SLC25A26: variants seen among roughly 807,000 people sequenced by gnomAD.
The protein encoded by SLC25A26 is solute carrier family 25 member 26.
A neutral mutation model predicts 37.8 loss-of-function variants in SLC25A26; 36 were observed. The observed-to-expected ratio is 0.95, with a 90% confidence interval of 0.73 to 1.26. The LOEUF (loss-of-function observed/expected upper bound fraction) is 1.26, where lower values mean the gene tolerates loss of function less well. Ranked by LOEUF, SLC25A26 falls within the 50% of genes most tolerant of loss-of-function variation. SLC25A26 has a pLI of 0.00. For missense variants in SLC25A26, 390 were observed against 331.1 expected, an observed-to-expected ratio of 1.18 and a Z score of -1.38; for synonymous variants, 129 against 122.5, an observed-to-expected ratio of 1.05 and a Z score of -0.35.
At chr3:66,273,665 T>G (rs575324130) in intron 5 of SLC25A26, among the ~76,000 whole-genome samples, 15 of 152,140 alleles carry the variant, frequency 9.9e-5, no homozygotes, top group South Asian at 2.1e-4. Flanking sequence ...TCAAAGAGAA[T>G]AAAATACTTA....
intron 1 of SLC25A26, among the ~76,000 whole-genome samples, chr3:66,204,422 T>G (rs1309122915): frequency 7.4e-5 from 1 of 13,530 alleles, no homozygotes; most frequent in South Asian, 9.1e-3. Context: ...TGATACTCCG[T>G]CTCAAAAAAA....
chr3:66,292,281 G>A (rs2074739485), intron 5 of SLC25A26, among the ~76,000 whole-genome samples: 3 of 151,932 alleles, frequency 2.0e-5, no homozygotes, highest in African/African-American at 7.3e-5. Flanking sequence ...TTTTAGTTGG[G>A]GTCATTTAGC....
intron 5 of SLC25A26, among the ~76,000 whole-genome samples, chr3:66,300,029 G>T (rs187130969): frequency 4.7e-4 from 71 of 152,170 alleles, no homozygotes; most frequent in African/African-American, 1.6e-3. Flanking sequence ...AGCTGTTAGC[G>T]TTTCTCCTTT....
intron 1 of SLC25A26, among the ~76,000 whole-genome samples, chr3:66,215,830 A>G (rs990270305): frequency 5.9e-5 from 9 of 152,326 alleles, no homozygotes; most frequent in Non-Finnish European, 1.0e-4. Flanking sequence ...CTGTTGTCTT[A>G]ATCCATTTGT....
chr3:66,288,077 G>C (rs1331321000), intron 5 of SLC25A26, among the ~76,000 whole-genome samples: 2 of 152,146 alleles, frequency 1.3e-5, no homozygotes, highest in African/African-American at 4.8e-5. Flanking sequence ...GAGAGATTCT[G>C]CCCCTAGACA....
At chr3:66,299,926 C>T (rs1297002294) in intron 5 of SLC25A26, among the ~76,000 whole-genome samples, 2 of 152,094 alleles carry the variant, frequency 1.3e-5, no homozygotes, top group Non-Finnish European at 2.9e-5. Context: ...GGCAAAAATC[C>T]AGTTAAAAAT....
rs369057946 is a variant in SLC25A26 at position 66,178,486 on chromosome 3, G to A, written c.-353-42256G>A. Among the ~76,000 whole-genome samples, 5 of 152,254 alleles carry A rather than the reference G, an allele frequency of 3.3e-5. No individual in the cohort carries two copies. In the East Asian group the frequency reaches 9.7e-4, roughly 29 times the overall value. On this transcript the variant is annotated intron_variant, in intron 1 of 10. Transcript: ENST00000676754. ...ACAGACGTTGTCCCTTGTTGTCCAA[G>A]CTCAGTAGCAGTTTCAGTAATGTAC... is the stretch of plus-strand genomic sequence containing the variant.
intron 3 of SLC25A26, among the ~76,000 whole-genome samples, chr3:66,258,419 A>G (rs2073389508): frequency 2.0e-5 from 3 of 152,106 alleles, no homozygotes; most frequent in Admixed American, 1.3e-4. Context: ...TAAAATTTGA[A>G]CTGCCTGTCA....
intron 5 of SLC25A26, among the ~76,000 whole-genome samples, chr3:66,320,608 G>A (rs1197832801): frequency 1.3e-5 from 2 of 152,134 alleles, no homozygotes; most frequent in Admixed American, 6.5e-5. Context: ...ACCTATAAGT[G>A]GAGTTGCTCA....
chr3:66,317,631 C>T (rs759095658), intron 5 of SLC25A26, among the ~76,000 whole-genome samples: 3 of 152,164 alleles, frequency 2.0e-5, no homozygotes, highest in Non-Finnish European at 4.4e-5. Flanking sequence ...TCTGGCTGCC[C>T]GTTGGCAGAG....
intron 1 of SLC25A26, among the ~76,000 whole-genome samples, chr3:66,164,070 A>G (rs2070394287): frequency 6.6e-6 from 1 of 152,328 alleles, no homozygotes; most frequent in South Asian, 2.1e-4. Flanking sequence ...TAAACAATTA[A>G]TACTTAAAAC....
chr3:66,280,225 C>A (rs928837314), intron 5 of SLC25A26, among the ~76,000 whole-genome samples: 1 of 152,142 alleles, frequency 6.6e-6, no homozygotes, highest in South Asian at 2.1e-4. Context: ...TAAGTTCTTA[C>A]CACATTATTT....
chr3:66,352,163 T>TA (rs1205571111), intron 6 of SLC25A26, among the ~76,000 whole-genome samples: 1 of 152,132 alleles, frequency 6.6e-6, no homozygotes, highest in African/African-American at 2.4e-5. Flanking sequence ...GTGGGAGACT[T>TA]ACTTGAGCTC....
At chr3:66,291,346 T>C (rs919946337) in intron 5 of SLC25A26, among the ~76,000 whole-genome samples, 1 of 152,194 alleles carries the variant, frequency 6.6e-6, no homozygotes, top group Non-Finnish European at 1.5e-5. Context: ...TGTCTTCTGC[T>C]AGCGTTTGAA....
chr3:66,290,103 T>C (rs9872639), intron 5 of SLC25A26, among the ~76,000 whole-genome samples: 1 of 152,012 alleles, frequency 6.6e-6, no homozygotes, highest in Non-Finnish European at 1.5e-5. Flanking sequence ...ATTCACTCAT[T>C]ATTTGGCTGT....
intron 3 of SLC25A26, among the ~76,000 whole-genome samples, chr3:66,246,866 T>C (rs1015803610): frequency 1.3e-5 from 2 of 152,136 alleles, no homozygotes; most frequent in Non-Finnish European, 1.5e-5. Flanking sequence ...AGAATCTTTG[T>C]TTTTATTTTG....
At chr3:66,373,972 G>A (rs148560352) in intron 9 of SLC25A26, among the ~76,000 whole-genome samples, 1 of 152,162 alleles carries the variant, frequency 6.6e-6, no homozygotes, top group East Asian at 1.9e-4. Flanking sequence ...TTCCTGCCAT[G>A]TTTCTCTCCA....
At chr3:66,330,280 A>T (rs1427553748) in intron 5 of SLC25A26, among the ~76,000 whole-genome samples, 1 of 152,148 alleles carries the variant, frequency 6.6e-6, no homozygotes, top group Non-Finnish European at 1.5e-5. Flanking sequence ...GAGTTTGGAC[A>T]TGTTTAGTTT....
At chr3:66,270,358 A>G (rs2073915970) in intron 5 of SLC25A26, among the ~76,000 whole-genome samples, 1 of 152,224 alleles carries the variant, frequency 6.6e-6, no homozygotes, top group Non-Finnish European at 1.5e-5. Context: ...TTTTTCAGTT[A>G]AAATCCAATG....
Sources: gnomAD v4.1 joint callset for allele counts (sites outside exome capture counted in the v4.1 genomes callset) on GRCh38, gnomAD v4.1.1 for gene constraint, MANE v1.5 for transcripts, NCBI Gene and HGNC (gene_info 2026-07-23, HGNC 2026-07-21) for gene names.